The following COL28A1 variants were observed in gnomAD, a reference collection of about 807,000 sequenced individuals.
COL28A1 encodes collagen type XXVIII alpha 1 chain.
A neutral mutation model predicts 150.2 loss-of-function variants in COL28A1; 161 were observed. That is an observed-to-expected ratio of 1.07 (90% CI 0.94 to 1.22). COL28A1 has a LOEUF of 1.22. Among genes scored for constraint, COL28A1 ranks in the 50% most tolerant of loss-of-function variants. The pLI is 0.00. For missense variants in COL28A1, 1,617 were observed against 1,388.3 expected (o/e 1.16, Z -2.62); for synonymous variants, 552 against 469.7 (o/e 1.18, Z -2.26).
chr7:7,500,961 G>T (rs954958344), intron 11 of COL28A1, among the ~76,000 whole-genome samples: 2 of 152,102 alleles, frequency 1.3e-5, no homozygotes, highest in African/African-American at 4.8e-5. Flanking sequence ...CTTCAAACAT[G>T]GTTGTAGTTC....
At chr7:7,515,961 GATC>G (rs1781393184) in intron 7 of COL28A1, 121 bp from the exon 8 acceptor site, 1 of 612,076 alleles carries the variant, frequency 1.6e-6, no homozygotes, top group Non-Finnish European at 2.9e-6. Flanking sequence ...TGGAAAATTA[GATC>G]ATAGAAATGT....
intron 27 of COL28A1, among the ~76,000 whole-genome samples, chr7:7,416,753 CTG>C (rs1784100848): frequency 6.6e-6 from 1 of 152,190 alleles, no homozygotes; most frequent in Admixed American, 6.5e-5. Flanking sequence ...TGTGATAAAA[CTG>C]GAGATTTAAC....
At chr7:7,500,875 G>C (rs1032774700) in intron 11 of COL28A1, among the ~76,000 whole-genome samples, 1 of 152,168 alleles carries the variant, frequency 6.6e-6, no homozygotes, top group African/African-American at 2.4e-5. Context: ...TCCAAAAACT[G>C]TGGTGTGGTG....
chr7:7,532,991 G>T, intron 1 of COL28A1, 79 bp from the exon 2 acceptor site: 2 of 1,333,626 alleles, frequency 1.5e-6, no homozygotes, highest in Admixed American at 3.0e-5. Flanking sequence ...CAGCAGGGTT[G>T]AAAACTGGCA....
chr7:7,387,364 A>T (rs1021616508), intron 27 of COL28A1, among the ~76,000 whole-genome samples: 1 of 152,196 alleles, frequency 6.6e-6, no homozygotes, highest in Non-Finnish European at 1.5e-5. Context: ...CTAAAGAATA[A>T]AACAATACTT....
At chr7:7,357,236 G>T (rs923010492), downstream of COL28A1, 2 of 152,210 alleles carry the variant, frequency 1.3e-5, no homozygotes, top group South Asian at 4.1e-4. Flanking sequence ...TCTTAGTAGA[G>T]ACGGGGTTTT....
chr7:7,482,733 C>T (rs188965701), intron 13 of COL28A1, among the ~76,000 whole-genome samples: 155 of 152,118 alleles, frequency 1.0e-3, no homozygotes, highest in African/African-American at 3.5e-3. Flanking sequence ...CAACTACAAA[C>T]AGTTAGAAAG....
chr7:7,501,684 T>C (rs1372976095), intron 11 of COL28A1, among the ~76,000 whole-genome samples: 1 of 152,104 alleles, frequency 6.6e-6, no homozygotes, highest in Non-Finnish European at 1.5e-5. Flanking sequence ...TCCTAGTAAT[T>C]AAAGGCCTTT....
At chr7:7,484,595 T>A (rs6962939) in intron 13 of COL28A1, among the ~76,000 whole-genome samples, 7,979 of 152,130 alleles carry the variant, frequency 0.052, 386 homozygotes, top group African/African-American at 0.13. Flanking sequence ...ACTAAGTCAA[T>A]AGGAATGATA....
the COL28A1 span, among the ~76,000 whole-genome samples, chr7:7,543,542 C>T: frequency 6.6e-6 from 1 of 152,150 alleles, no homozygotes; most frequent in Admixed American, 6.5e-5. Flanking sequence ...AAAAGTCCTA[C>T]TATGTCAGAT....
At chr7:7,460,515 C>G (rs1227576417) in intron 15 of COL28A1, among the ~76,000 whole-genome samples, 1 of 152,096 alleles carries the variant, frequency 6.6e-6, no homozygotes, top group Admixed American at 6.5e-5. Context: ...TCCCGAGTAG[C>G]TGGGACTACA....
In COL28A1 at chr7:7,511,028, C is replaced by T. The variant is rs144666825; in HGVS notation, c.927+63G>A. 271 of 1,349,108 alleles carry T rather than the reference C, an allele frequency of 2.0e-4. 1 individual carries two copies. In the East Asian group the frequency reaches 5.3e-3, roughly 26 times the overall value. The allele number at this position is 1,349,108 out of a possible 1,614,324, so 83.6% of individuals were successfully genotyped here. A position where few individuals can be genotyped will look rare whatever the true frequency, so the allele number is the denominator to read the frequency against. ...ACCATAATTCAGCCCAGGAATTTCC[C>T]CTTAAGGAAACGCAACCCAAAAGGG... On this transcript the variant is annotated intron_variant, in intron 9 of 34. Transcript: ENST00000399429.
intron 15 of COL28A1, among the ~76,000 whole-genome samples, chr7:7,463,574 C>A (rs1400256228): frequency 6.6e-6 from 1 of 152,112 alleles, no homozygotes; most frequent in Non-Finnish European, 1.5e-5. Context: ...TGAAACTAAG[C>A]TTCATAAATG....
chr7:7,373,164 T>A lies in COL28A1; in HGVS notation c.2742A>T (p.Lys914Asn). The change falls in exon 32 of 35, where the codon AAA becomes AAT. Residue 914 changes from lysine to asparagine, a missense_variant. Coordinates refer to ENST00000399429, the MANE Select transcript of COL28A1 (RefSeq NM_001037763.3). The surrounding 1 kb of genome is among the most constrained non-coding windows in gnomAD (Gnocchi z 4.1). ...TGGCATTCTTCACCACCTCTGTCAGTTTCTCTTTATCACGAGAATCTGTCT... is the reference window on the plus strand; with the variant it reads ...TGGCATTCTTCACCACCTCTGTCAGATTCTCTTTATCACGAGAATCTGTCT... ...DGQTDSRDKE[K>N]LTEVVKNASD... The A allele has an allele frequency of 6.2e-7, 1 of 1,614,234 alleles. No individual in the cohort carries two copies. Among genetic ancestry groups the A allele is most frequent in the Non-Finnish European group, 8.5e-7 (1 of 1,180,028 alleles).
chr7:7,408,545 C>G (rs751554493), intron 27 of COL28A1, among the ~76,000 whole-genome samples: 1 of 152,138 alleles, frequency 6.6e-6, no homozygotes, highest in Non-Finnish European at 1.5e-5. Context: ...AAATACATGT[C>G]CTTCAACCAG....
At chr7:7,529,491 C>T (rs753446443) in intron 3 of COL28A1, among the ~76,000 whole-genome samples, 3 of 152,096 alleles carry the variant, frequency 2.0e-5, no homozygotes, top group Non-Finnish European at 4.4e-5. Flanking sequence ...AGATGCTAAA[C>T]AAACAAGCTG....
chr7:7,342,664 C>A, the COL28A1 span, among the ~76,000 whole-genome samples: 1 of 151,976 alleles, frequency 6.6e-6, no homozygotes. Flanking sequence ...TAAAGTTAAC[C>A]AACATCTTCA....
chr7:7,493,415 T>C (rs1387830989), intron 11 of COL28A1, among the ~76,000 whole-genome samples: 1 of 152,166 alleles, frequency 6.6e-6, no homozygotes, highest in Non-Finnish European at 1.5e-5. Flanking sequence ...CTCTCTTACC[T>C]TGAGCCCATG....
At position 7,380,839 on chromosome 7, in the gene COL28A1, A is replaced by G. The variant is rs779797993; in HGVS notation, c.2229T>C (p.Asp743=). 5 of 1,613,796 alleles carry G rather than the reference A, an allele frequency of 3.1e-6. No individual in the cohort carries two copies. The highest frequency in any genetic ancestry group is 4.2e-6 in the Non-Finnish European group (5 of 1,179,860). The change falls in exon 29 of 35, where the codon GAT becomes GAC. Residue 743 remains aspartate, a synonymous_variant. Coordinates refer to ENST00000399429, the MANE Select transcript of COL28A1 (RefSeq NM_001037763.3). The part of the protein sequence containing the change: ...GQKGEHGERG[D]VGKKGDKGEI... ...CTCCTTTATCACCTTTCTTTCCCAC[A>G]TCGCCCCGTTCTCCGTGCTCTCCCT...
Sources: allele counts gnomAD v4.1 joint callset (sites outside exome capture counted in the v4.1 genomes callset), GRCh38; gene constraint gnomAD v4.1.1; non-coding constraint Gnocchi (gnomAD v3.1); transcripts MANE v1.5; gene names NCBI Gene and HGNC (gene_info 2026-07-23, HGNC 2026-07-21).